PTPRD: variants seen among roughly 807,000 people sequenced by gnomAD.
The protein encoded by PTPRD is protein tyrosine phosphatase receptor type D.
PTPRD carries 34 observed loss-of-function variants against 214.5 expected under a neutral mutation model. The ratio of observed to expected loss-of-function variants is 0.16; its 90% CI spans 0.12 to 0.21. PTPRD has a LOEUF of 0.21. Among genes scored for constraint, PTPRD ranks in the 10% least tolerant of loss-of-function variants. PTPRD has a pLI of 1.00. For missense variants in PTPRD, 2,545 were observed against 2,398.7 expected (o/e 1.06, Z -1.27); for synonymous variants, 1,128 against 845.7 (o/e 1.33, Z -5.79).
chr9:8,911,102 T>C (rs1295128110), intron 11 of PTPRD, among the ~76,000 whole-genome samples: 2 of 152,214 alleles, frequency 1.3e-5, no homozygotes, highest in Non-Finnish European at 2.9e-5. Context: ...CTGGCAGGCA[T>C]GTTTTTGTAC....
intron 6 of PTPRD, among the ~76,000 whole-genome samples, chr9:9,759,248 G>A (rs1212124420): frequency 6.6e-6 from 1 of 152,116 alleles, no homozygotes; most frequent in Non-Finnish European, 1.5e-5. Context: ...GTCTGTACTG[G>A]TAATGATTAC....
chr9:8,955,452 G>C (rs1020963580), intron 11 of PTPRD, among the ~76,000 whole-genome samples: 5 of 151,696 alleles, frequency 3.3e-5, no homozygotes, highest in South Asian at 2.1e-4. Context: ...TAAAGGACAG[G>C]GGGAGAGCTC....
intron 7 of PTPRD, among the ~76,000 whole-genome samples, chr9:9,664,148 C>T (rs546388053): frequency 2.8e-5 from 4 of 145,356 alleles, no homozygotes; most frequent in African/African-American, 5.0e-5. Flanking sequence ...ATGAGTTACA[C>T]GTAAAGAGTC....
chr9:8,749,114 T>C (rs1370919945), intron 11 of PTPRD, among the ~76,000 whole-genome samples: 1 of 152,190 alleles, frequency 6.6e-6, no homozygotes, highest in Non-Finnish European at 1.5e-5. Flanking sequence ...GTAGAAGTTC[T>C]ATAATTCTTT....
intron 3 of PTPRD, among the ~76,000 whole-genome samples, chr9:10,255,526 A>T (rs990223038): frequency 6.6e-6 from 1 of 152,228 alleles, no homozygotes; most frequent in African/African-American, 2.4e-5. Flanking sequence ...AAGTTGATCT[A>T]GGTGAGAGGT....
intron 4 of PTPRD, among the ~76,000 whole-genome samples, chr9:9,961,873 C>A (rs1049572002): frequency 5.3e-5 from 8 of 152,120 alleles, no homozygotes; most frequent in South Asian, 2.1e-4. Flanking sequence ...GGTATTATTT[C>A]CACTAGTGCT....
intron 11 of PTPRD, among the ~76,000 whole-genome samples, chr9:8,816,296 A>G (rs2096917040): frequency 6.6e-6 from 1 of 152,232 alleles, no homozygotes; most frequent in Non-Finnish European, 1.5e-5. Context: ...TTTAAGATAT[A>G]AAGGTCTGCG....
chr9:8,904,432 G>C (rs1288389369), intron 11 of PTPRD, among the ~76,000 whole-genome samples: 1 of 152,098 alleles, frequency 6.6e-6, no homozygotes, highest in Non-Finnish European at 1.5e-5. Flanking sequence ...AGCATTTTGA[G>C]AGACTGAGGT....
At chr9:8,438,869 G>T (rs1272422355) in intron 34 of PTPRD, 1 of 152,078 alleles carries the variant, frequency 6.6e-6, no homozygotes, top group Non-Finnish European at 1.5e-5. Context: ...TAGTATAACA[G>T]CAGTAGAAGA....
intron 4 of PTPRD, among the ~76,000 whole-genome samples, chr9:9,975,404 T>A (rs2095315306): frequency 6.6e-6 from 1 of 152,206 alleles, no homozygotes; most frequent in South Asian, 2.1e-4. Flanking sequence ...GCTTTTAACC[T>A]CTCTTCAAAT....
chr9:10,245,128 A>G (rs2091867294), intron 3 of PTPRD, among the ~76,000 whole-genome samples: 1 of 152,170 alleles, frequency 6.6e-6, no homozygotes, highest in African/African-American at 2.4e-5. Flanking sequence ...CCCTAAACAT[A>G]GTGAAAAATG....
At chr9:8,713,248 T>G in intron 12 of PTPRD, 1 of 631,746 alleles carries the variant, frequency 1.6e-6, no homozygotes. Context: ...AGTCTCCAAT[T>G]GTCCACTTAA....
At chr9:8,344,538 G>C (rs886426797) in intron 39 of PTPRD, among the ~76,000 whole-genome samples, 2 of 151,802 alleles carry the variant, frequency 1.3e-5, no homozygotes, top group African/African-American at 4.8e-5. Flanking sequence ...AATAACAGAG[G>C]CTATGACTTG....
At chr9:8,937,048 C>T (rs569429002) in intron 11 of PTPRD, among the ~76,000 whole-genome samples, 63 of 150,144 alleles carry the variant, frequency 4.2e-4, no homozygotes, top group African/African-American at 1.5e-3. Flanking sequence ...TTTCTGATGG[C>T]GTGTGTTCCT....
intron 5 of PTPRD, among the ~76,000 whole-genome samples, chr9:9,839,343 A>G (rs1254967609): frequency 6.6e-6 from 1 of 152,006 alleles, no homozygotes; most frequent in African/African-American, 2.4e-5. Flanking sequence ...TGATAAGCAA[A>G]TTCAGCAAAG....
At chr9:10,579,965 G>A (rs140023539) in intron 2 of PTPRD, among the ~76,000 whole-genome samples, 19 of 151,954 alleles carry the variant, frequency 1.3e-4, no homozygotes, top group Admixed American at 6.6e-4. Flanking sequence ...TGTTTTTTGC[G>A]TGTTGAATTG....
intron 9 of PTPRD, among the ~76,000 whole-genome samples, chr9:9,367,268 C>A (rs145117172): frequency 5.3e-5 from 8 of 151,224 alleles, no homozygotes; most frequent in African/African-American, 1.9e-4. Context: ...TAGAAGTTAA[C>A]TGGAAGGAAA....
At chr9:8,876,893 G>A (rs1290776215) in intron 11 of PTPRD, among the ~76,000 whole-genome samples, 1 of 151,646 alleles carries the variant, frequency 6.6e-6, no homozygotes, top group Admixed American at 6.6e-5. Context: ...ATCCTCCTTG[G>A]CCCTTTCCTT....
chr9:9,704,953 A>G (rs1410211907), intron 7 of PTPRD, among the ~76,000 whole-genome samples: 4 of 152,232 alleles, frequency 2.6e-5, no homozygotes, highest in African/African-American at 9.6e-5. Context: ...AAGAAAAAGT[A>G]AAATGACTGT....
Sources: gnomAD v4.1 joint callset for allele counts (sites outside exome capture counted in the v4.1 genomes callset) on GRCh38, gnomAD v4.1.1 for gene constraint, MANE v1.5 for transcripts, NCBI Gene and HGNC (gene_info 2026-07-23, HGNC 2026-07-21) for gene names.